The following CELSR2 variants were observed in gnomAD, a reference collection of about 807,000 sequenced individuals.
CELSR2 encodes the protein EGF-like protein 2.
A neutral mutation model predicts 251.6 loss-of-function variants in CELSR2; 81 were observed. The observed-to-expected ratio is 0.32, with a 90% confidence interval of 0.27 to 0.39. CELSR2 has a LOEUF of 0.39. CELSR2 is among the 10% of genes least tolerant of loss of function. The probability of loss-of-function intolerance (pLI) is 1.00; values close to 1 mark genes in which losing one functional copy is unlikely to be tolerated. For synonymous variants in CELSR2, 1,721 were observed against 1,670.5 expected (o/e 1.03, Z -0.74); for missense variants, 3,365 against 3,947.7 (o/e 0.85, Z 3.96).
At chr1:109,259,932 C>A (rs538592369) in intron 2 of CELSR2, among the ~76,000 whole-genome samples, 2 of 152,028 alleles carry the variant, frequency 1.3e-5, no homozygotes, top group Non-Finnish European at 2.9e-5. Flanking sequence ...CTCAGGACAC[C>A]CCCTGCTCCC....
In CELSR2 at chr1:109,274,275, C is replaced by G. The variant is rs1469521404; in HGVS notation, c.*226C>G. On this transcript the variant is annotated 3_prime_UTR_variant, in exon 34 of 34. Coordinates refer to ENST00000271332, the MANE Select transcript of CELSR2 (RefSeq NM_001408.3). ...ACCATTCCCCTCACTGCACTTTGGACCCCTGGGGCCAACATCTCCAAGACA... is the reference window on the plus strand; with the variant it reads ...ACCATTCCCCTCACTGCACTTTGGAGCCCTGGGGCCAACATCTCCAAGACA... 9.2e-6 allele frequency: 10 copies of G among 1,090,190 alleles called. No homozygotes were observed. The African/African-American group carries it at 1.6e-4, about 17-fold the overall frequency. The allele number at this position is 1,090,190 out of a possible 1,614,324, so 67.5% of individuals were successfully genotyped here.
chr1:109,270,881 G>T (rs373290074), intron 24 of CELSR2, 46 bp from the exon 25 acceptor site: 9 of 1,402,356 alleles, frequency 6.4e-6, no homozygotes, highest in African/African-American at 2.9e-5. Flanking sequence ...TACTTCCCAG[G>T]CCCCTCATCA....
chr1:109,253,433 G>T, intron 1 of CELSR2, 44 bp downstream of exon 1: 2 of 1,568,088 alleles, frequency 1.3e-6, no homozygotes, highest in Non-Finnish European at 1.7e-6. Flanking sequence ...GTAGCTCGCG[G>T]GGATGGTCTG....
rs1214545906 is a variant in CELSR2 at position 109,271,290 on chromosome 1, G to A, written c.7670G>A (p.Gly2557Asp). The change falls in exon 26 of 34, where the codon GGT becomes GAT. Residue 2557 changes from glycine to aspartate, a missense_variant. By Grantham distance (94) the Gly-to-Asp change is moderately conservative. Transcript: ENST00000271332. Reference sequence around the variant, plus strand: ...CAGCGGCAGGGCTTTGAGAAGAAAGGTCCTGTGTGAGTATAGGGTTGGGGT... The same window carrying A: ...CAGCGGCAGGGCTTTGAGAAGAAAGATCCTGTGTGAGTATAGGGTTGGGGT... ...AAQRQGFEKK[G>D]PVSGLQPSFA... is the part of the protein sequence containing the mutation. 4 of 1,613,940 alleles carry A rather than the reference G, an allele frequency of 2.5e-6. No individual in the cohort carries two copies. Among genetic ancestry groups the A allele is most frequent in the Non-Finnish European group, 3.4e-6 (4 of 1,180,012 alleles).
chr1:109,264,012 A>G, intron 9 of CELSR2, 66 bp from the exon 10 acceptor site: 2 of 1,510,562 alleles, frequency 1.3e-6, no homozygotes, highest in Middle Eastern at 2.3e-4. Context: ...AGAAAGGGGA[A>G]CTGTGAGCTG....
At position 109,264,220 on chromosome 1, in the gene CELSR2, C is replaced by T. The variant is rs1445338130; in HGVS notation, c.5144C>T (p.Ala1715Val). Residue 1715 changes from alanine (A) to valine (V), a missense_variant, in exon 10 of 34, where the codon GCC (alanine) becomes GTC (valine). Around this residue, in one of 5 missense-constraint regions of CELSR2, gnomAD observed 2,093 missense variants for 2,382.8 expected, o/e 0.88. Coordinates refer to ENST00000271332, the MANE Select transcript of CELSR2 (RefSeq NM_001408.3). Reference sequence around the variant, plus strand: ...GGAGCCAGCGGGGGGCCCGGCCATGCCATTCTGTCCTTCGATTATGGGCAG... The same window carrying T: ...GGAGCCAGCGGGGGGCCCGGCCATGTCATTCTGTCCTTCGATTATGGGCAG... ...ALGASGGPGH[A>V]ILSFDYGQQR... 1 of 1,613,816 alleles carries T rather than the reference C, an allele frequency of 6.2e-7. No individual in the cohort carries two copies. Among genetic ancestry groups the T allele is most frequent in the Non-Finnish European group, 8.5e-7 (1 of 1,179,998 alleles).
chr1:109,262,237 A>T, intron 5 of CELSR2, 50 bp from the exon 6 acceptor site: 4 of 1,597,532 alleles, frequency 2.5e-6, no homozygotes, highest in Middle Eastern at 1.7e-4. Flanking sequence ...CCATGAACCT[A>T]GTGGGCTCTG....
chr1:109,253,328 G>C lies in CELSR2; in HGVS notation c.3249G>C (p.Lys1083Asn). Reference sequence around the variant, plus strand: ...TCAATGCCTCCACGGGTGAGCTGAAGCTAAGCCGCGCACTGGACAACAACC... The same window carrying C: ...TCAATGCCTCCACGGGTGAGCTGAACCTAAGCCGCGCACTGGACAACAACC... ...VLLNASTGEL[K>N]LSRALDNNRP... Residue 1083 changes from lysine to asparagine, a missense_variant, in exon 1 of 34, where the codon AAG (lysine) becomes AAC (asparagine). By Grantham distance (94) the Lys-to-Asn change is moderately conservative. This residue lies in a region of CELSR2 where 505 missense variants were observed against 660.0 expected (regional missense o/e 0.77). Transcript: ENST00000271332. 1 of 1,613,430 alleles carries C rather than the reference G, an allele frequency of 6.2e-7. No individual in the cohort carries two copies. Among genetic ancestry groups the C allele is most frequent in the South Asian group, 1.1e-5 (1 of 91,080 alleles).
rs771862647 is a variant in CELSR2 at position 109,269,259 on chromosome 1, C to T, written c.6781C>T (p.His2261Tyr). The change falls in exon 20 of 34, where the codon CAT becomes TAT. Residue 2261 changes from histidine (H) to tyrosine (Y), a missense_variant. His to Tyr is a moderately conservative substitution (Grantham distance 83, BLOSUM62 2). Transcript: ENST00000271332. This position sits in a 1 kb window ranked among gnomAD's most constrained non-coding sequence, Gnocchi z 6.4. Reference sequence around the variant, plus strand: ...CCGCACCCTGGCCGGGCTACTGCCTCATAACTATGACCCTGACAAGCGCAG... The same window carrying T: ...CCGCACCCTGGCCGGGCTACTGCCTTATAACTATGACCCTGACAAGCGCAG... ...IYRTLAGLLPHNYDPDKRSLR... is the reference protein window; with the variant it reads ...IYRTLAGLLPYNYDPDKRSLR... 1 of 1,613,316 alleles carries T rather than the reference C, an allele frequency of 6.2e-7. No homozygotes were observed. The highest frequency in any genetic ancestry group is 8.5e-7 in the Non-Finnish European group (1 of 1,179,982).
At chr1:109,271,805 C>A (rs1343641947) in intron 28 of CELSR2, 83 bp downstream of exon 28, 22 of 1,507,410 alleles carry the variant, frequency 1.5e-5, no homozygotes, top group Non-Finnish European at 1.8e-5. Flanking sequence ...TGGCCCCACT[C>A]CCCTTTCTCT....
intron 15 of CELSR2, among the ~76,000 whole-genome samples, chr1:109,267,238 T>C (rs1656224570): frequency 6.6e-6 from 1 of 152,056 alleles, no homozygotes; most frequent in African/African-American, 2.4e-5. Flanking sequence ...GCGCTGGTCC[T>C]GGACTGGCAA....
chr1:109,262,815 T>C lies in CELSR2; in HGVS notation c.4554T>C (p.Asp1518=), dbSNP rs927954970. The change falls in exon 7 of 34, where the codon GAT becomes GAC. Residue 1518 remains aspartate, a synonymous_variant. Coordinates refer to ENST00000271332, the MANE Select transcript of CELSR2 (RefSeq NM_001408.3). ...GTQGGSKKSL[D]LTGPLLLGGV... is the part of the protein sequence containing the mutation. ...ATCTTTGCTCCCCCAGGTCTCTGGA[T>C]CTGACGGGGCCCCTGCTACTAGGCG... 2.5e-6 allele frequency: 4 copies of C among 1,612,378 alleles called. No homozygotes were observed. The East Asian group carries it at 8.9e-5, about 36-fold the overall frequency.
chr1:109,265,874 G>C lies in CELSR2; in HGVS notation c.5867G>C (p.Arg1956Pro). 6.2e-7 allele frequency: 1 copy of C among 1,613,936 alleles called. No individual in the cohort carries two copies. The highest frequency in any genetic ancestry group is 8.5e-7 in the Non-Finnish European group (1 of 1,179,978). ...KPGVIGRQCD[R>P]CDNPFAEVTT... ...GGTGTCATCGGGCGTCAGTGTGACC[G>C]CTGTGACAACCCTTTTGCTGAGGTC... The change falls in exon 14 of 34, where the codon CGC becomes CCC. Residue 1956 changes from arginine (R) to proline (P), a missense_variant. Physicochemically the swap from Arg to Pro is moderately radical, Grantham distance 103 (BLOSUM62 -2). Transcript: ENST00000271332.
rs376887591 is a variant in CELSR2, at chr1:109,261,772, C to T, written c.4298-36C>T. The T allele has an allele frequency of 2.0e-4, 318 of 1,568,820 alleles. 1 individual carries two copies. The highest frequency in any genetic ancestry group is 2.5e-4 in the Non-Finnish European group (291 of 1,152,232). On this transcript the variant is annotated intron_variant, in intron 4 of 33. Transcript: ENST00000271332. The surrounding 1 kb of genome is among the most constrained non-coding windows in gnomAD (Gnocchi z 4.8). ...CCCAAACCCTGCCATTCCTAGCCCT[C>T]GTCAGGCATTCCAGCTCACCTGGTC...
In CELSR2 at chr1:109,252,539, C is replaced by T. The variant is rs1208964970; in HGVS notation, c.2460C>T (p.Tyr820=). ...CCCCTCAGTTCCTGCGAGACTCCTACCAGGGCAGTGTCTATGAGGATGTGC... is the reference window on the plus strand; with the variant it reads ...CCCCTCAGTTCCTGCGAGACTCCTATCAGGGCAGTGTCTATGAGGATGTGC... ...DNAPQFLRDS[Y]QGSVYEDVPP... is the part of the protein sequence containing the mutation. The change falls in exon 1 of 34, where the codon TAC becomes TAT. Residue 820 remains tyrosine (Y), a synonymous_variant. Transcript: ENST00000271332. The surrounding 1 kb of genome is among the most constrained non-coding windows in gnomAD (Gnocchi z 4.8). 1 of 1,613,784 alleles carries T rather than the reference C, an allele frequency of 6.2e-7. No homozygotes were observed. The highest frequency in any genetic ancestry group is 1.3e-5 in the African/African-American group (1 of 74,938).
At position 109,271,444 on chromosome 1, in the gene CELSR2, G is replaced by T; in HGVS notation, c.7735G>T (p.Ala2579Ser). Reference sequence around the variant, plus strand: ...GCTGCTGAGCGCCACGTGGCTGCTGGCACTGCTCTCTGTCAACAGCGACAC... The same window carrying T: ...GCTGCTGAGCGCCACGTGGCTGCTGTCACTGCTCTCTGTCAACAGCGACAC... ...LLLLSATWLL[A>S]LLSVNSDTLL... The change falls in exon 27 of 34, where the codon GCA becomes TCA. Residue 2579 changes from alanine to serine, a missense_variant. By Grantham distance (99) the Ala-to-Ser change is moderately conservative. This residue lies in a region of CELSR2 where 2,093 missense variants were observed against 2,382.8 expected (regional missense o/e 0.88). Transcript: ENST00000271332. The T allele has an allele frequency of 6.2e-7, 1 of 1,614,036 alleles. No individual in the cohort carries two copies. Among genetic ancestry groups the T allele is most frequent in the Non-Finnish European group, 8.5e-7 (1 of 1,180,028 alleles).
At position 109,268,780 on chromosome 1, in the gene CELSR2, G is replaced by A. The variant is rs767789386; in HGVS notation, c.6502+16G>A. 5.7e-6 allele frequency: 9 copies of A among 1,588,676 alleles called. No individual in the cohort carries two copies. The highest frequency in any genetic ancestry group is 1.7e-5 in the Admixed American group (1 of 58,898). On this transcript the variant is annotated intron_variant, in intron 18 of 33. Transcript: ENST00000271332. ...CCCAACATTGGTAAGGCTGGTGCCTGGGTTGGGGAGGGGTTTGTGGAGGGA... is the reference window on the plus strand; with the variant it reads ...CCCAACATTGGTAAGGCTGGTGCCTAGGTTGGGGAGGGGTTTGTGGAGGGA...
In CELSR2 at chr1:109,259,021, C is replaced by T. The variant is rs1294486832; in HGVS notation, c.3900C>T (p.His1300=). ...GCTACTCGCGGCCCTGTGGCCCCCACGGGCGCTGCCGCAGCCGCGAGGGCG... is the reference window on the plus strand; with the variant it reads ...GCTACTCGCGGCCCTGTGGCCCCCATGGGCGCTGCCGCAGCCGCGAGGGCG... ...DLCYSRPCGP[H]GRCRSREGGY... Residue 1300 remains histidine (H), a synonymous_variant, in exon 2 of 34, where the codon CAC becomes CAT. Coordinates refer to ENST00000271332, the MANE Select transcript of CELSR2 (RefSeq NM_001408.3). 4 of 1,600,264 alleles carry T rather than the reference C, an allele frequency of 2.5e-6. No individual in the cohort carries two copies. Among genetic ancestry groups the T allele is most frequent in the African/African-American group, 1.3e-5 (1 of 74,840 alleles).
chr1:109,251,354 T>C lies in CELSR2; in HGVS notation c.1275T>C (p.Asp425=). Reference sequence around the variant, plus strand: ...CAGTACTCCGAGTCACAGCCTCGGATCGAGACAAGGGGAGCAATGCCGTGG... The same window carrying C: ...CAGTACTCCGAGTCACAGCCTCGGACCGAGACAAGGGGAGCAATGCCGTGG... ...GAPVLRVTAS[D]RDKGSNAVVH... The change falls in exon 1 of 34, where the codon GAT becomes GAC. Residue 425 remains aspartate, a synonymous_variant. Transcript: ENST00000271332. The surrounding 1 kb of genome is among the most constrained non-coding windows in gnomAD (Gnocchi z 4.9). 6.2e-7 allele frequency: 1 copy of C among 1,614,084 alleles called. No individual in the cohort carries two copies. Among genetic ancestry groups the C allele is most frequent in the Non-Finnish European group, 8.5e-7 (1 of 1,180,014 alleles).
Sources: allele counts gnomAD v4.1 joint callset (sites outside exome capture counted in the v4.1 genomes callset), GRCh38; gene constraint gnomAD v4.1.1; regional missense constraint gnomAD v4.1.1; non-coding constraint Gnocchi (gnomAD v3.1); transcripts MANE v1.5; gene names NCBI Gene and HGNC (gene_info 2026-07-23, HGNC 2026-07-21).